The following MREG variants were observed in gnomAD, a reference collection of about 807,000 sequenced individuals.
MREG encodes the protein dilute suppressor protein homolog.
MREG carries 31 observed loss-of-function variants against 28.5 expected under a neutral mutation model. That is an observed-to-expected ratio of 1.09 (90% CI 0.82 to 1.47). MREG has a LOEUF of 1.47. MREG is among the 40% of genes most tolerant of loss of function. MREG has a pLI of 0.00. For missense variants in MREG, 256 were observed against 257.4 expected (o/e 0.99, Z 0.04); for synonymous variants, 106 against 95.2 (o/e 1.11, Z -0.66).
intron 1 of MREG, among the ~76,000 whole-genome samples, chr2:216,002,966 T>C (rs1035183865): frequency 2.0e-5 from 3 of 151,480 alleles, no homozygotes; most frequent in Admixed American, 6.6e-5. Context: ...TCTTTCCTTC[T>C]CTCTCTCTTT....
At position 215,999,161 on chromosome 2, in the gene MREG, G is replaced by A. The variant is rs147194895; in HGVS notation, c.96-2696C>T. Reference sequence around the variant, plus strand: ...TGCATGACTGCAGCACGTGGTGTGCGGAGCAAGGAAAATGGAGAGACATGA... The same window carrying A: ...TGCATGACTGCAGCACGTGGTGTGCAGAGCAAGGAAAATGGAGAGACATGA... On this transcript the variant is annotated intron_variant, in intron 1 of 4. Coordinates refer to ENST00000263268, the MANE Select transcript of MREG (RefSeq NM_018000.3). 2.5e-3 allele frequency among the ~76,000 whole-genome samples: 376 copies of A among 152,320 alleles called. 2 individuals carry two copies. The highest frequency in any genetic ancestry group is 8.5e-3 in the African/African-American group (352 of 41,568).
In MREG at chr2:215,942,805, AGGTTTATTTATTTTATTGT is replaced by A. The variant is rs1172900056; in HGVS notation, c.*2039_*2057del. On this transcript the variant is annotated 3_prime_UTR_variant, in exon 5 of 5. Transcript: ENST00000263268. ...GAGAGTAAAACAATACGACATCCTT[AGGTTTATTTATTTTATTGT>A]TTGTTTCACTGTTTGAATGTTTATC... The A allele has an allele frequency of 6.6e-6, 1 of 152,642 alleles. No homozygotes were observed. The highest frequency in any genetic ancestry group is 6.5e-5 in the Admixed American group (1 of 15,280). 9.5% of individuals were successfully genotyped at this position (152,642 alleles called of 1,614,324 possible). A position where few individuals can be genotyped will look rare whatever the true frequency, so the allele number is the denominator to read the frequency against.
chr2:216,021,195 T>G (rs1234935393), intron 1 of MREG, among the ~76,000 whole-genome samples: 6 of 152,188 alleles, frequency 3.9e-5, no homozygotes, highest in African/African-American at 1.4e-4. Context: ...TCACCCAGGT[T>G]GGAGTGCAGT....
intron 2 of MREG, among the ~76,000 whole-genome samples, chr2:215,964,632 T>C (rs1258258695): frequency 2.6e-5 from 4 of 152,208 alleles, no homozygotes; most frequent in African/African-American, 7.2e-5. Flanking sequence ...GTTGCTATTG[T>C]TGTCTAGCCA....
At chr2:216,021,435 T>G (rs1337120110) in intron 1 of MREG, among the ~76,000 whole-genome samples, 4 of 152,120 alleles carry the variant, frequency 2.6e-5, no homozygotes, top group Non-Finnish European at 5.9e-5. Context: ...GGGACTAGGA[T>G]GAGAAGGGAA....
chr2:215,984,420 A>G (rs1041484777), intron 2 of MREG, among the ~76,000 whole-genome samples: 1 of 151,274 alleles, frequency 6.6e-6, no homozygotes, highest in Non-Finnish European at 1.5e-5. Flanking sequence ...TGGGAGGCCA[A>G]GGCAGAAGAA....
chr2:216,013,348 G>C lies in MREG; in HGVS notation c.-21C>G. ...CCCATGGAGAGCGAGGGCCCCCACC[G>C]GCGCCGGAAGCCTGGGGCCGAGTCG... On this transcript the variant is annotated 5_prime_UTR_variant, in exon 1 of 5. Transcript: ENST00000263268. 6.7e-7 allele frequency: 1 copy of C among 1,502,112 alleles called. No homozygotes were observed. The highest frequency in any genetic ancestry group is 8.9e-7 in the Non-Finnish European group (1 of 1,124,518). The allele number at this position is 1,502,112 out of a possible 1,614,324, so 93.0% of individuals were successfully genotyped here.
chr2:215,974,486 C>G (rs1472929689), intron 2 of MREG, among the ~76,000 whole-genome samples: 1 of 152,088 alleles, frequency 6.6e-6, no homozygotes, highest in Non-Finnish European at 1.5e-5. Context: ...GGTTCCACTG[C>G]GTCTGTATCT....
chr2:215,973,330 C>T (rs143152493), intron 2 of MREG, among the ~76,000 whole-genome samples: 19 of 152,296 alleles, frequency 1.2e-4, no homozygotes, highest in African/African-American at 2.6e-4. Flanking sequence ...TTGAAAGCAA[C>T]GCTGAAACCT....
intron 2 of MREG, among the ~76,000 whole-genome samples, chr2:215,973,825 AAC>A (rs1436445825): frequency 6.6e-6 from 1 of 152,246 alleles, no homozygotes; most frequent in Non-Finnish European, 1.5e-5. Context: ...GGGCCTGGTT[AAC>A]CATCAAAGGC....
intron 2 of MREG, among the ~76,000 whole-genome samples, chr2:215,952,013 G>A (rs1026877830): frequency 6.6e-5 from 10 of 152,190 alleles, no homozygotes; most frequent in African/African-American, 2.4e-4. Context: ...GTGAGATCAT[G>A]CAGTAATTGT....
rs202147771 is a variant in MREG, at chr2:215,944,962, G to C, written c.546C>G (p.Phe182Leu). ...GGTAAGTTCGACGAGCAAGCTTAAA[G>C]AACTCTTCTGCAGCATCAAGTGCAA... ...RLIALDAAEE[F>L]FKLARRTYPK... The change falls in exon 5 of 5, where the codon TTC becomes TTG. Residue 182 changes from phenylalanine (F) to leucine (L), a missense_variant. Coordinates refer to ENST00000263268, the MANE Select transcript of MREG (RefSeq NM_018000.3). The C allele has an allele frequency of 5.6e-6, 9 of 1,605,728 alleles. No homozygotes were observed. Among genetic ancestry groups the C allele is most frequent in the Non-Finnish European group, 7.7e-6 (9 of 1,173,332 alleles).
At chr2:216,033,207 C>T (rs762024694), upstream of MREG, among the ~76,000 whole-genome samples, 6 of 152,262 alleles carry the variant, frequency 3.9e-5, no homozygotes, top group Non-Finnish European at 7.4e-5. Flanking sequence ...TGTTGCCAAT[C>T]TCATTTCACC....
upstream of MREG, among the ~76,000 whole-genome samples, chr2:216,015,167 G>A (rs1014883487): frequency 2.5e-5 from 2 of 81,514 alleles, no homozygotes; most frequent in African/African-American, 1.4e-4. Flanking sequence ...GTGCGCGCGC[G>A]CGTGCGTGTG....
rs1692227015 is a variant in MREG at position 215,943,237 on chromosome 2, T to G, written c.*1626A>C. 1 of 313,786 alleles carries G rather than the reference T, an allele frequency of 3.2e-6. No homozygotes were observed. Among genetic ancestry groups the G allele is most frequent in the African/African-American group, 2.2e-5 (1 of 46,002 alleles). 19.4% of individuals were successfully genotyped at this position (313,786 alleles called of 1,614,324 possible). A position where few individuals can be genotyped will look rare whatever the true frequency, so the allele number is the denominator to read the frequency against. On this transcript the variant is annotated 3_prime_UTR_variant, in exon 5 of 5. Coordinates refer to ENST00000263268, the MANE Select transcript of MREG (RefSeq NM_018000.3). Reference sequence around the variant, plus strand: ...AACCTTACAAATCCTTAAAGTCTTTTCAGTAACATGAACCATGATCTCTTG... The same window carrying G: ...AACCTTACAAATCCTTAAAGTCTTTGCAGTAACATGAACCATGATCTCTTG...
intron 2 of MREG, among the ~76,000 whole-genome samples, chr2:215,947,572 A>G (rs1439898970): frequency 6.6e-6 from 1 of 152,212 alleles, no homozygotes; most frequent in East Asian, 1.9e-4. Flanking sequence ...ATCCAATGTC[A>G]TCAGCTAATA....
chr2:215,960,041 T>G lies in MREG; in HGVS notation c.256-12928A>C, dbSNP rs545363173. On this transcript the variant is annotated intron_variant, in intron 2 of 4. Coordinates refer to ENST00000263268, the MANE Select transcript of MREG (RefSeq NM_018000.3). ...CGTGATCTCGGCTCACTGCAAGCTCTGCTTCCTGGGTTCATGCTGTTCTCC... is the reference window on the plus strand; with the variant it reads ...CGTGATCTCGGCTCACTGCAAGCTCGGCTTCCTGGGTTCATGCTGTTCTCC... Among the ~76,000 whole-genome samples, 285 of 152,206 alleles carry G rather than the reference T, an allele frequency of 1.9e-3. 3 individuals are homozygous for G. The highest frequency in any genetic ancestry group is 6.4e-3 in the African/African-American group (264 of 41,536).
intron 2 of MREG, among the ~76,000 whole-genome samples, chr2:215,969,522 G>A (rs988344246): frequency 3.9e-5 from 6 of 152,144 alleles, no homozygotes; most frequent in South Asian, 2.1e-4. Context: ...TTGAGTGCCC[G>A]TTTCCATATT....
downstream of MREG, among the ~76,000 whole-genome samples, chr2:215,940,492 C>T (rs1391190695): frequency 6.6e-6 from 1 of 152,196 alleles, no homozygotes; most frequent in Non-Finnish European, 1.5e-5. Context: ...GCTACCACTG[C>T]AGTTCTTTTC....
Sources: gnomAD v4.1 joint callset for allele counts (sites outside exome capture counted in the v4.1 genomes callset) on GRCh38, gnomAD v4.1.1 for gene constraint, MANE v1.5 for transcripts, NCBI Gene and HGNC (gene_info 2026-07-23, HGNC 2026-07-21) for gene names.